Variants in GALNT2 observed in about 807,000 individuals in gnomAD.
GALNT2 encodes polypeptide N-acetylgalactosaminyltransferase 2.
Under a neutral mutation model 81.4 loss-of-function variants are expected in GALNT2, and 31 were observed. That is an observed-to-expected ratio of 0.38 (90% CI 0.29 to 0.51). The LOEUF is 0.51. GALNT2 is among the 20% of genes least tolerant of loss of function. GALNT2 has a pLI of 0.87. For missense variants in GALNT2, 629 were observed against 765.7 expected, an observed-to-expected ratio of 0.82 and a Z score of 2.11; for synonymous variants, 303 against 287.4, an observed-to-expected ratio of 1.05 and a Z score of -0.55.
intron 1 of GALNT2, among the ~76,000 whole-genome samples, chr1:230,134,658 TC>T (rs1661480221): frequency 6.6e-6 from 1 of 152,148 alleles, no homozygotes; most frequent in African/African-American, 2.4e-5. Flanking sequence ...ATTTATAAAC[TC>T]CTTCTGTATC....
chr1:230,173,159 C>G (rs532602688), intron 1 of GALNT2, among the ~76,000 whole-genome samples: 4 of 152,242 alleles, frequency 2.6e-5, no homozygotes. Flanking sequence ...TTAGAGTTCT[C>G]TTTCTCTGGC....
At chr1:230,229,064 G>A (rs1014845114) in intron 3 of GALNT2, among the ~76,000 whole-genome samples, 6 of 151,910 alleles carry the variant, frequency 3.9e-5, no homozygotes, top group Admixed American at 1.3e-4. Flanking sequence ...AATGACCTTC[G>A]GTTAAGAAAG....
chr1:230,272,765 C>A (rs189802007), intron 14 of GALNT2, among the ~76,000 whole-genome samples: 1 of 151,466 alleles, frequency 6.6e-6, no homozygotes, highest in African/African-American at 2.4e-5. Flanking sequence ...TGGTTTGGTT[C>A]GGTTCGGTTC....
At chr1:230,177,194 T>G (rs908325746) in intron 1 of GALNT2, among the ~76,000 whole-genome samples, 1 of 152,272 alleles carries the variant, frequency 6.6e-6, no homozygotes, top group African/African-American at 2.4e-5. Context: ...AGATCTCACT[T>G]TACGTTTTAA....
At chr1:230,124,248 T>G (rs1384418480) in intron 1 of GALNT2, among the ~76,000 whole-genome samples, 1 of 152,192 alleles carries the variant, frequency 6.6e-6, no homozygotes, top group African/African-American at 2.4e-5. Flanking sequence ...TTTCTTCTCT[T>G]TAATTTTGAT....
chr1:230,120,616 G>C (rs1308421261), intron 1 of GALNT2, among the ~76,000 whole-genome samples: 1 of 152,120 alleles, frequency 6.6e-6, no homozygotes, highest in Non-Finnish European at 1.5e-5. Context: ...GCTCAGCTCC[G>C]ATCTGCCCTT....
chr1:230,062,024 G>C (rs1659062078), intron 1 of GALNT2, among the ~76,000 whole-genome samples: 1 of 152,120 alleles, frequency 6.6e-6, no homozygotes, highest in South Asian at 2.1e-4. Context: ...TGTGTTCACG[G>C]ACGTCTTCCT....
At chr1:230,175,024 A>G (rs1662917399) in intron 1 of GALNT2, among the ~76,000 whole-genome samples, 1 of 152,186 alleles carries the variant, frequency 6.6e-6, no homozygotes, top group South Asian at 2.1e-4. Context: ...TGCACAGCAC[A>G]GGCCAAGATG....
intron 2 of GALNT2, among the ~76,000 whole-genome samples, chr1:230,179,522 T>A (rs765416043): frequency 4.6e-5 from 7 of 152,222 alleles, no homozygotes; most frequent in Non-Finnish European, 7.3e-5. Flanking sequence ...TATTTCACTT[T>A]TGTTTTTATT....
intron 7 of GALNT2, among the ~76,000 whole-genome samples, chr1:230,244,663 G>A (rs2102743065): frequency 6.6e-6 from 1 of 152,308 alleles, no homozygotes; most frequent in Admixed American, 6.5e-5. Context: ...AAAGTGCCAA[G>A]CCTATTAACT....
intron 1 of GALNT2, among the ~76,000 whole-genome samples, chr1:230,082,354 A>G (rs1355223400): frequency 6.6e-6 from 1 of 152,214 alleles, no homozygotes; most frequent in Non-Finnish European, 1.5e-5. Context: ...GGCTTAATGG[A>G]TTAATGGACA....
intron 3 of GALNT2, among the ~76,000 whole-genome samples, chr1:230,235,589 CA>C (rs1192506041): frequency 6.6e-6 from 1 of 152,186 alleles, no homozygotes; most frequent in Non-Finnish European, 1.5e-5. Flanking sequence ...ACCGGAGTAC[CA>C]CATGCTTGTT....
chr1:230,121,247 T>C (rs1661006891), intron 1 of GALNT2, among the ~76,000 whole-genome samples: 1 of 152,238 alleles, frequency 6.6e-6, no homozygotes, highest in South Asian at 2.1e-4. Context: ...TGCTGGCACA[T>C]GCCTGTGGGG....
Position 230,095,609 on chromosome 1 carries a change from A to G in GALNT2, c.126+28203A>G, listed in dbSNP as rs1197647799. ...TGGCTGTAGAGGGGTTGGTGACTCC[A>G]GTGTCCTGTGGTGGTAGACAGTCTC... is the stretch of plus-strand genomic sequence containing the variant. On this transcript the variant is annotated intron_variant, in intron 1 of 15. Coordinates refer to ENST00000366672, the MANE Select transcript of GALNT2 (RefSeq NM_004481.5). Among the ~76,000 whole-genome samples, 3 of 123,162 alleles carry G rather than the reference A, an allele frequency of 2.4e-5. No individual in the cohort carries two copies. The Admixed American group carries it at 2.6e-4, about 11-fold the overall frequency. 80.8% of individuals were successfully genotyped at this position (123,162 alleles called of 152,430 possible). A position where few individuals can be genotyped will look rare whatever the true frequency, so the allele number is the denominator to read the frequency against.
At chr1:230,078,545 A>AT (rs1247542000) in intron 1 of GALNT2, among the ~76,000 whole-genome samples, 1 of 152,220 alleles carries the variant, frequency 6.6e-6, no homozygotes, top group African/African-American at 2.4e-5. Context: ...TTCCACAGTG[A>AT]TTCTTTTCAT....
At chr1:230,189,581 C>T (rs1663451183) in intron 2 of GALNT2, among the ~76,000 whole-genome samples, 1 of 152,226 alleles carries the variant, frequency 6.6e-6, no homozygotes, top group South Asian at 2.1e-4. Flanking sequence ...AGGAGTGTTC[C>T]CCGACCCTTT....
intron 3 of GALNT2, among the ~76,000 whole-genome samples, chr1:230,228,406 G>A (rs930658523): frequency 1.3e-5 from 2 of 151,970 alleles, no homozygotes; most frequent in African/African-American, 4.8e-5. Flanking sequence ...CATTAAGGCA[G>A]CATGGTACAG....
At chr1:230,242,557 A>T (rs904740301) in intron 6 of GALNT2, among the ~76,000 whole-genome samples, 2 of 152,054 alleles carry the variant, frequency 1.3e-5, no homozygotes, top group African/African-American at 4.8e-5. Flanking sequence ...ATTTTGAGAC[A>T]GGGACTCACT....
At chr1:230,084,977 G>C (rs995163008) in intron 1 of GALNT2, among the ~76,000 whole-genome samples, 5 of 152,150 alleles carry the variant, frequency 3.3e-5, no homozygotes, top group African/African-American at 1.2e-4. Flanking sequence ...GTATTTGTAA[G>C]TTAAGCCCTT....
Sources: gnomAD v4.1 joint callset for allele counts (sites outside exome capture counted in the v4.1 genomes callset) on GRCh38, gnomAD v4.1.1 for gene constraint, MANE v1.5 for transcripts, NCBI Gene and HGNC (gene_info 2026-07-23, HGNC 2026-07-21) for gene names.